Variants in LNPK observed in about 807,000 individuals in gnomAD.
LNPK encodes endoplasmic reticulum junction formation protein lunapark.
LNPK carries 29 observed loss-of-function variants against 55.2 expected under a neutral mutation model. The observed-to-expected ratio is 0.53, with a 90% CI of 0.39 to 0.72. The LOEUF (loss-of-function observed/expected upper bound fraction) is 0.72, where lower values mean the gene tolerates loss of function less well. Ranked by LOEUF, LNPK falls within the 30% of genes least tolerant of loss-of-function variation. The probability of loss-of-function intolerance (pLI) is 0.00; values close to 1 mark genes in which losing one functional copy is unlikely to be tolerated. For missense variants in LNPK, 467 were observed against 494.8 expected (o/e 0.94, Z 0.53); for synonymous variants, 162 against 168.2 (o/e 0.96, Z 0.29).
chr2:175,935,895 A>C (rs974110632), intron 12 of LNPK: 1 of 160,240 alleles, frequency 6.2e-6, no homozygotes, highest in Non-Finnish European at 1.3e-5. Context: ...CAAGATTTTC[A>C]CTGTGTTGAC....
At chr2:175,971,968 G>A (rs1030184414) in intron 5 of LNPK, among the ~76,000 whole-genome samples, 4 of 152,132 alleles carry the variant, frequency 2.6e-5, no homozygotes, top group African/African-American at 9.7e-5. Flanking sequence ...ACCCAGGCTG[G>A]AGTGCAGTGG....
At chr2:175,940,938 CA>C in intron 9 of LNPK, 1 of 453,640 alleles carries the variant, frequency 2.2e-6, no homozygotes, top group South Asian at 1.6e-5. Context: ...AACTTTAAGA[CA>C]TAGCAATAGA....
chr2:175,947,829 T>C (rs1574830467), intron 8 of LNPK, 137 bp from the exon 9 acceptor site: 1 of 533,756 alleles, frequency 1.9e-6, no homozygotes, highest in Non-Finnish European at 3.3e-6. Flanking sequence ...AATAAATCTA[T>C]AATATGTGAC....
chr2:175,972,281 T>C (rs1686698620), intron 5 of LNPK, among the ~76,000 whole-genome samples: 1 of 152,172 alleles, frequency 6.6e-6, no homozygotes, highest in Admixed American at 6.5e-5. Context: ...ACAGGTTGAG[T>C]ATCTCTTATC....
At chr2:175,987,362 T>C (rs1452654254) in intron 4 of LNPK, among the ~76,000 whole-genome samples, 1 of 152,238 alleles carries the variant, frequency 6.6e-6, no homozygotes, top group Non-Finnish European at 1.5e-5. Flanking sequence ...GATGAGTTCA[T>C]GTCCTTTGTA....
chr2:175,997,564 T>C (rs1468180690), intron 1 of LNPK, among the ~76,000 whole-genome samples: 1 of 152,120 alleles, frequency 6.6e-6, no homozygotes, highest in Non-Finnish European at 1.5e-5. Context: ...GAAGTAGAAT[T>C]ATATCCTTCA....
Position 175,964,534 on chromosome 2 carries a change from C to A in LNPK, c.413G>T (p.Arg138Met), listed in dbSNP as rs1391435173. The stretch of plus-strand genomic sequence containing the variant: ...TGCTTTCTTTGAGTCCGGATCAAAC[C>A]TTTCAAGAATTAATTTAGCCGTCTT... ...TYKTAKLILERFDPDSKKAKE... is the reference protein window; with the variant it reads ...TYKTAKLILEMFDPDSKKAKE... The change falls in exon 7 of 13, where the codon AGG becomes ATG. Residue 138 changes from arginine (R) to methionine (M), a missense_variant. Transcript: ENST00000272748. 1 of 1,610,806 alleles carries A rather than the reference C, an allele frequency of 6.2e-7. No individual in the cohort carries two copies. Among genetic ancestry groups the A allele is most frequent in the East Asian group, 2.2e-5 (1 of 44,826 alleles).
intron 1 of LNPK, among the ~76,000 whole-genome samples, chr2:175,997,358 CT>C (rs1687977290): frequency 6.6e-6 from 1 of 152,134 alleles, no homozygotes. Flanking sequence ...CTATAAATTT[CT>C]ATCTGAATTA....
At chr2:175,956,364 G>A (rs1028600650) in intron 8 of LNPK, among the ~76,000 whole-genome samples, 4 of 151,504 alleles carry the variant, frequency 2.6e-5, no homozygotes, top group Non-Finnish European at 4.4e-5. Flanking sequence ...TACTCCTATG[G>A]TGATAACCTA....
intron 8 of LNPK, among the ~76,000 whole-genome samples, chr2:175,957,975 T>C (rs1353639833): frequency 6.6e-6 from 1 of 152,148 alleles, no homozygotes; most frequent in Non-Finnish European, 1.5e-5. Flanking sequence ...CAGTCCGAGA[T>C]CCAACTGCAA....
intron 4 of LNPK, among the ~76,000 whole-genome samples, chr2:175,987,306 A>C (rs1028475754): frequency 3.3e-5 from 5 of 152,206 alleles, no homozygotes; most frequent in African/African-American, 1.2e-4. Context: ...GGACTAAGAA[A>C]ATGTGGCACA....
At chr2:175,979,138 G>A (rs936217723) in intron 5 of LNPK, among the ~76,000 whole-genome samples, 1 of 151,816 alleles carries the variant, frequency 6.6e-6, no homozygotes, top group Admixed American at 6.6e-5. Flanking sequence ...AGATACATTT[G>A]GGATATACTT....
intron 3 of LNPK, 135 bp downstream of exon 3, chr2:175,993,047 A>G (rs1264893885): frequency 7.1e-6 from 4 of 562,394 alleles, no homozygotes; most frequent in Non-Finnish European, 1.2e-5. Context: ...ATCACATAAT[A>G]TTAAAGTTCT....
chr2:176,002,257 GAC>G lies in LNPK; in HGVS notation c.-162_-161del. 2 of 450,228 alleles carry G rather than the reference GAC, an allele frequency of 4.4e-6. No homozygotes were observed. The highest frequency in any genetic ancestry group is 3.1e-5 in the South Asian group (2 of 63,848). The allele number at this position is 450,228 out of a possible 1,614,324, so 27.9% of individuals were successfully genotyped here. Reference sequence around the variant, plus strand: ...TCCAGAGCAGGCAGCAGCCGCCACTGACAGAGAGACAAGCCGGGCCAACTCCT... The same window carrying G: ...TCCAGAGCAGGCAGCAGCCGCCACTGAGAGAGACAAGCCGGGCCAACTCCT... On this transcript the variant is annotated 5_prime_UTR_variant, in exon 1 of 13. Transcript: ENST00000272748.
intron 6 of LNPK, among the ~76,000 whole-genome samples, chr2:175,968,476 T>C (rs945210099): frequency 5.3e-5 from 8 of 152,202 alleles, no homozygotes; most frequent in African/African-American, 1.4e-4. Context: ...TGCTCATGGA[T>C]GCAGAGGGAT....
chr2:176,002,052 A>G (rs1050483456), intron 1 of LNPK, 108 bp downstream of exon 1: 1 of 321,162 alleles, frequency 3.1e-6, no homozygotes, highest in Admixed American at 4.5e-5. Flanking sequence ...AGGCGGGGGC[A>G]CCAAGGAGAG....
At chr2:175,948,795 A>C (rs57025757) in intron 8 of LNPK, among the ~76,000 whole-genome samples, 9,061 of 152,222 alleles carry the variant, frequency 0.06, 349 homozygotes, top group South Asian at 0.097. Flanking sequence ...ATTGCAATTG[A>C]AAGTACAGCT....
At chr2:175,949,193 A>G (rs115081348) in intron 8 of LNPK, among the ~76,000 whole-genome samples, 3,822 of 152,144 alleles carry the variant, frequency 0.025, 164 homozygotes, top group African/African-American at 0.086. Context: ...TATAAATGGA[A>G]CCATCTTTAT....
intron 9 of LNPK, among the ~76,000 whole-genome samples, chr2:175,943,765 G>A (rs544404483): frequency 6.6e-6 from 1 of 152,088 alleles, no homozygotes; most frequent in South Asian, 2.1e-4. Context: ...AAGAATAGGT[G>A]GGCACTTCAA....
Sources: gnomAD v4.1 joint callset for allele counts (sites outside exome capture counted in the v4.1 genomes callset) on GRCh38, gnomAD v4.1.1 for gene constraint, MANE v1.5 for transcripts, NCBI Gene and HGNC (gene_info 2026-07-23, HGNC 2026-07-21) for gene names.